The following PACSIN1 variants were observed in gnomAD, a reference collection of about 807,000 sequenced individuals.
PACSIN1 encodes the protein protein kinase C and casein kinase substrate in neurons protein 1.
In PACSIN1, 15 loss-of-function variants were observed where a neutral mutation model predicts 59.5. That is an observed-to-expected ratio of 0.25 (90% confidence interval 0.17 to 0.39). The LOEUF is 0.39. PACSIN1 is among the 10% of genes least tolerant of loss of function. The pLI is 1.00. For missense variants in PACSIN1, 420 were observed against 580.2 expected (o/e 0.72, Z 2.84); for synonymous variants, 210 against 220.6 (o/e 0.95, Z 0.42).
intron 1 of PACSIN1, among the ~76,000 whole-genome samples, chr6:34,497,864 C>T (rs1302819502): frequency 6.6e-6 from 1 of 152,126 alleles, no homozygotes; most frequent in African/African-American, 2.4e-5. Context: ...TGTCCATGGG[C>T]CACGCCTCAT....
chr6:34,487,270 G>A (rs552940850), intron 1 of PACSIN1, among the ~76,000 whole-genome samples: 1 of 152,260 alleles, frequency 6.6e-6, no homozygotes, highest in African/African-American at 2.4e-5. Context: ...CCCGCATCCT[G>A]GAAGGTTCCC....
rs1484615020 is a variant in PACSIN1, at chr6:34,521,470, G to A, written c.-63-4773G>A. Among the ~76,000 whole-genome samples, 1 of 152,170 alleles carries A rather than the reference G, an allele frequency of 6.6e-6. No individual in the cohort carries two copies. Among genetic ancestry groups the A allele is most frequent in the Non-Finnish European group, 1.5e-5 (1 of 68,030 alleles). ...AGGGTCTCCTAGAGGCAGCTTTCAG[G>A]AGATGCCTGGGCCTGAGGAGAGATG... On this transcript the variant is annotated intron_variant, in intron 1 of 9. Coordinates refer to ENST00000244458, the MANE Select transcript of PACSIN1 (RefSeq NM_020804.5). The surrounding 1 kb of genome is among the most constrained non-coding windows in gnomAD (Gnocchi z 4.3).
In PACSIN1 at chr6:34,532,156, G is replaced by C. The variant is rs1041097330; in HGVS notation, c.1226-265G>C. On this transcript the variant is annotated intron_variant, in intron 9 of 9. Coordinates refer to ENST00000244458, the MANE Select transcript of PACSIN1 (RefSeq NM_020804.5). This position sits in a 1 kb window ranked among gnomAD's most constrained non-coding sequence, Gnocchi z 5.2. ...TGCCAGGGGCGGAGTCAGAACCTGA[G>C]AATAGTGTGGATGCGAGGTCTGGTT... 6.6e-6 allele frequency among the ~76,000 whole-genome samples: 1 copy of C among 152,128 alleles called. No individual in the cohort carries two copies. Among genetic ancestry groups the C allele is most frequent in the Non-Finnish European group, 1.5e-5 (1 of 68,022 alleles).
intron 1 of PACSIN1, among the ~76,000 whole-genome samples, chr6:34,490,893 C>T (rs2127252549): frequency 6.6e-6 from 1 of 152,292 alleles, no homozygotes; most frequent in East Asian, 1.9e-4. Flanking sequence ...GCCCTCTTGC[C>T]AGGGTGTTAA....
Position 34,514,488 on chromosome 6 carries a change from A to T in PACSIN1, c.-63-11755A>T, listed in dbSNP as rs1767253571. ...ATGATTAAACAAATAGAAATGCTTCACCCAGCAGCAAGCGCTTAGATTTTA... is the reference window on the plus strand; with the variant it reads ...ATGATTAAACAAATAGAAATGCTTCTCCCAGCAGCAAGCGCTTAGATTTTA... On this transcript the variant is annotated intron_variant, in intron 1 of 9. Transcript: ENST00000244458. This position sits in a 1 kb window ranked among gnomAD's most constrained non-coding sequence, Gnocchi z 4.4. Among the ~76,000 whole-genome samples the T allele has an allele frequency of 6.6e-6, 1 of 152,124 alleles. No homozygotes were observed. The highest frequency in any genetic ancestry group is 6.5e-5 in the Admixed American group (1 of 15,280).
At chr6:34,527,531 C>G (rs1767511480) in intron 3 of PACSIN1, 43 bp downstream of exon 3, 1 of 1,532,324 alleles carries the variant, frequency 6.5e-7, no homozygotes, top group African/African-American at 1.4e-5. Context: ...CAGGCCGTCA[C>G]GAGCCCCCTA....
intron 1 of PACSIN1, among the ~76,000 whole-genome samples, chr6:34,466,533 C>T (rs915393838): frequency 2.0e-5 from 3 of 152,170 alleles, no homozygotes; most frequent in Non-Finnish European, 4.4e-5. Context: ...GAGGCCCTTA[C>T]CCCAGGAAAA....
intron 1 of PACSIN1, among the ~76,000 whole-genome samples, chr6:34,481,896 G>C (rs1766725271): frequency 6.6e-6 from 1 of 151,990 alleles, no homozygotes; most frequent in Admixed American, 6.6e-5. Context: ...TCTAATTCCA[G>C]AATATTCCAT....
chr6:34,466,777 G>A (rs1766503071), intron 1 of PACSIN1, among the ~76,000 whole-genome samples: 1 of 152,176 alleles, frequency 6.6e-6, no homozygotes. Context: ...CGGGGAGGGG[G>A]GAGGAGGCAA....
intron 1 of PACSIN1, among the ~76,000 whole-genome samples, chr6:34,504,297 T>A (rs866832241): frequency 1.3e-3 from 180 of 141,364 alleles, no homozygotes; most frequent in African/African-American, 3.6e-3. Context: ...TATATTTTTT[T>A]TTTTTTTTTT....
chr6:34,491,027 C>T (rs779483042), intron 1 of PACSIN1, among the ~76,000 whole-genome samples: 1 of 151,950 alleles, frequency 6.6e-6, no homozygotes, highest in Non-Finnish European at 1.5e-5. Context: ...GTCACTTCTG[C>T]ACCTCACTCT....
rs564775760 is a variant in PACSIN1 at position 34,489,108 on chromosome 6, G to A, written c.-64+22838G>A. Among the ~76,000 whole-genome samples the A allele has an allele frequency of 8.6e-5, 13 of 151,892 alleles. No homozygotes were observed. In the East Asian group the frequency reaches 1.4e-3, roughly 16 times the overall value. On this transcript the variant is annotated intron_variant, in intron 1 of 9. Coordinates refer to ENST00000244458, the MANE Select transcript of PACSIN1 (RefSeq NM_020804.5). ...AGGCAGGAGGATCGCTTGAGCCAGG[G>A]AGGTGGAGGTTGTAGTGAGCCGAGT...
At position 34,528,844 on chromosome 6, in the gene PACSIN1, G is replaced by A. The variant is rs1312525612; in HGVS notation, c.423G>A (p.Lys141=). The A allele has an allele frequency of 1.2e-6, 2 of 1,612,778 alleles. No individual in the cohort carries two copies. Among genetic ancestry groups the A allele is most frequent in the East Asian group, 2.2e-5 (1 of 44,730 alleles). Residue 141 remains lysine, a synonymous_variant, in exon 4 of 10, where the codon AAG becomes AAA. Transcript: ENST00000244458. ...ETKEAEDGFR[K]AQKPWAKKMK... is the part of the protein sequence containing the mutation. Reference sequence around the variant, plus strand: ...AGGAGGCTGAAGATGGCTTCCGCAAGGCCCAGAAGCCTTGGGCCAAGAAGA... The same window carrying A: ...AGGAGGCTGAAGATGGCTTCCGCAAAGCCCAGAAGCCTTGGGCCAAGAAGA...
chr6:34,502,526 C>T (rs1018996095), intron 1 of PACSIN1, among the ~76,000 whole-genome samples: 7 of 134,432 alleles, frequency 5.2e-5, no homozygotes, highest in African/African-American at 2.0e-4. Context: ...AGTGCAGTGG[C>T]GTGATCTCGG....
In PACSIN1 at chr6:34,477,970, C is replaced by T. The variant is rs1442461777; in HGVS notation, c.-64+11700C>T. Among the ~76,000 whole-genome samples, 3 of 144,718 alleles carry T rather than the reference C, an allele frequency of 2.1e-5. No homozygotes were observed. In the Admixed American group the frequency reaches 2.1e-4, roughly 10 times the overall value. 94.9% of individuals were successfully genotyped at this position (144,718 alleles called of 152,430 possible). On this transcript the variant is annotated intron_variant, in intron 1 of 9. Coordinates refer to ENST00000244458, the MANE Select transcript of PACSIN1 (RefSeq NM_020804.5). The stretch of plus-strand genomic sequence containing the variant: ...GTCTTCCCATGTTGCCCGGGCTGGT[C>T]TTCAACTCCTGGGCTCAAGCAATCC...
At chr6:34,474,624 T>A (rs906161951) in intron 1 of PACSIN1, among the ~76,000 whole-genome samples, 2 of 151,812 alleles carry the variant, frequency 1.3e-5, no homozygotes, top group Non-Finnish European at 2.9e-5. Flanking sequence ...ACCCCATCTG[T>A]ACTAAAATTA....
intron 1 of PACSIN1, among the ~76,000 whole-genome samples, chr6:34,522,840 G>A (rs1039743650): frequency 6.6e-6 from 1 of 152,228 alleles, no homozygotes; most frequent in Non-Finnish European, 1.5e-5. Context: ...CTGATGTCCA[G>A]GGGCAGGAGA....
In PACSIN1 at chr6:34,529,122, G is replaced by C; in HGVS notation, c.456+245G>C. Among the ~76,000 whole-genome samples, 1 of 152,162 alleles carries C rather than the reference G, an allele frequency of 6.6e-6. No homozygotes were observed. Among genetic ancestry groups the C allele is most frequent in the East Asian group, 1.9e-4 (1 of 5,174 alleles). On this transcript the variant is annotated intron_variant, in intron 4 of 9. Coordinates refer to ENST00000244458, the MANE Select transcript of PACSIN1 (RefSeq NM_020804.5). The surrounding 1 kb of genome is among the most constrained non-coding windows in gnomAD (Gnocchi z 6.3). ...AGGAAAGATACCAGCAGGGGCAGAA[G>C]AGCACATTGGCCCCTGGGTCCCCAG...
In PACSIN1 at chr6:34,515,284, C is replaced by T. The variant is rs1275272910; in HGVS notation, c.-63-10959C>T. The stretch of plus-strand genomic sequence containing the variant: ...GATCCTCCTCATCAGGGGGACTGTC[C>T]CTGTTGCCTTTCCTCCTCTGTACCT... On this transcript the variant is annotated intron_variant, in intron 1 of 9. Coordinates refer to ENST00000244458, the MANE Select transcript of PACSIN1 (RefSeq NM_020804.5). The surrounding 1 kb of genome is among the most constrained non-coding windows in gnomAD (Gnocchi z 4.4). Among the ~76,000 whole-genome samples, 3 of 152,170 alleles carry T rather than the reference C, an allele frequency of 2.0e-5. No homozygotes were observed. Among genetic ancestry groups the T allele is most frequent in the African/African-American group, 4.8e-5 (2 of 41,436 alleles).
Sources: allele counts gnomAD v4.1 joint callset (sites outside exome capture counted in the v4.1 genomes callset), GRCh38; gene constraint gnomAD v4.1.1; non-coding constraint Gnocchi (gnomAD v3.1); transcripts MANE v1.5; gene names NCBI Gene and HGNC (gene_info 2026-07-23, HGNC 2026-07-21).